Variants in ASPH observed in about 807,000 individuals in gnomAD.
ASPH encodes aspartate beta-hydroxylase.
In ASPH, 100 loss-of-function variants were observed where a neutral mutation model predicts 118.4. The ratio of observed to expected loss-of-function variants is 0.84; its 90% CI spans 0.72 to 1.00. The LOEUF is 1.00. Ranked by LOEUF, ASPH falls within the 50% of genes least tolerant of loss-of-function variation. The pLI, the probability that ASPH is intolerant of heterozygous loss-of-function variation, is 0.00. For synonymous variants in ASPH, 315 were observed against 325.6 expected, an observed-to-expected ratio of 0.97 and a Z score of 0.35; for missense variants, 920 against 919.5, an observed-to-expected ratio of 1.00 and a Z score of -0.01.
chr8:61,610,398 T>C (rs901246433), intron 14 of ASPH, among the ~76,000 whole-genome samples: 11 of 152,368 alleles, frequency 7.2e-5, no homozygotes, highest in Admixed American at 7.2e-4. Flanking sequence ...AGACTGATGA[T>C]ATATGCTGAG....
At position 61,501,197 on chromosome 8, in the gene ASPH, CATAG is replaced by C. The variant is rs891261473; in HGVS notation, c.*2158_*2161del. ...GAAACACTTTTCTTATGTACCAAGA[CATAG>C]ATAGGTAAGAGAAATAAAGAATTGA... On this transcript the variant is annotated 3_prime_UTR_variant, in exon 25 of 25. Coordinates refer to ENST00000379454, the MANE Select transcript of ASPH (RefSeq NM_004318.4). The C allele has an allele frequency of 5.3e-5, 8 of 152,046 alleles. No homozygotes were observed. Among genetic ancestry groups the C allele is most frequent in the African/African-American group, 1.4e-4 (6 of 41,406 alleles). 9.4% of individuals were successfully genotyped at this position (152,046 alleles called of 1,614,324 possible).
chr8:61,670,302 T>C (rs1821792316), intron 3 of ASPH, among the ~76,000 whole-genome samples: 1 of 151,562 alleles, frequency 6.6e-6, no homozygotes. Context: ...AATGTGTTTG[T>C]TTGTTTTTTT....
In ASPH at chr8:61,625,093, G is replaced by A. The variant is rs76465927; in HGVS notation, c.935-6074C>T. The A allele has an allele frequency of 1.2e-3, 1,135 of 985,526 alleles. 10 individuals are homozygous for A. In the African/African-American group the frequency reaches 0.018, roughly 16 times the overall value. The allele number at this position is 985,526 out of a possible 1,614,324, so 61.0% of individuals were successfully genotyped here. A position where few individuals can be genotyped will look rare whatever the true frequency, so the allele number is the denominator to read the frequency against. On this transcript the variant is annotated intron_variant, in intron 13 of 24. Transcript: ENST00000379454. ...AATCAAGAGCTACCCCTAATATATC[G>A]ATCAAACCACTTCTTATGGCTTTGC...
chr8:61,507,265 C>T (rs1806974308), intron 24 of ASPH, among the ~76,000 whole-genome samples: 1 of 152,146 alleles, frequency 6.6e-6, no homozygotes, highest in Non-Finnish European at 1.5e-5. Context: ...AAGTACAATA[C>T]AGATCAGTGT....
intron 15 of ASPH, chr8:61,579,258 A>T: frequency 6.2e-7 from 1 of 1,614,052 alleles, no homozygotes; most frequent in Middle Eastern, 1.7e-4. Context: ...GCTGGCCATT[A>T]AGGATGCCAA....
At chr8:61,643,039 T>C in intron 9 of ASPH, 119 bp from the exon 10 acceptor site, 1 of 891,876 alleles carries the variant, frequency 1.1e-6, no homozygotes, top group Non-Finnish European at 1.6e-6. Flanking sequence ...CTTCAAATAT[T>C]AATGTCTGCT....
intron 16 of ASPH, among the ~76,000 whole-genome samples, chr8:61,573,979 C>T (rs1186017488): frequency 6.6e-6 from 1 of 152,164 alleles, no homozygotes; most frequent in African/African-American, 2.4e-5. Flanking sequence ...CCAGAATCTA[C>T]AATGAACTTA....
At chr8:61,561,641 A>G (rs879737055) in intron 18 of ASPH, among the ~76,000 whole-genome samples, 6 of 152,196 alleles carry the variant, frequency 3.9e-5, no homozygotes, top group Admixed American at 2.6e-4. Context: ...CTGTAAAAGG[A>G]GTAGGGTGAG....
At chr8:61,527,148 A>C (rs1396824794) in intron 21 of ASPH, among the ~76,000 whole-genome samples, 2 of 152,222 alleles carry the variant, frequency 1.3e-5, no homozygotes, top group African/African-American at 4.8e-5. Flanking sequence ...GACTAGAACT[A>C]ATAGGTTACA....
At position 61,671,331 on chromosome 8, in the gene ASPH, T is replaced by C. The variant is rs150540702; in HGVS notation, c.322+9637A>G. Among the ~76,000 whole-genome samples the C allele has an allele frequency of 2.0e-5, 3 of 152,114 alleles. No individual in the cohort carries two copies. In the East Asian group the frequency reaches 5.8e-4, roughly 29 times the overall value. On this transcript the variant is annotated intron_variant, in intron 3 of 24. Coordinates refer to ENST00000379454, the MANE Select transcript of ASPH (RefSeq NM_004318.4). ...TCTATCTTTAGTACCATAGCTAATG[T>C]CTAGGGAAAAAAAAGAAAAAAGGGA...
At chr8:61,712,932 T>C (rs1286049227) in intron 1 of ASPH, among the ~76,000 whole-genome samples, 2 of 152,342 alleles carry the variant, frequency 1.3e-5, no homozygotes, top group South Asian at 2.1e-4. Flanking sequence ...TTAGTGCCCT[T>C]AGAGGCACAA....
intron 13 of ASPH, among the ~76,000 whole-genome samples, chr8:61,628,963 A>G (rs1386324344): frequency 2.6e-5 from 4 of 152,202 alleles, no homozygotes; most frequent in African/African-American, 4.8e-5. Flanking sequence ...TGTAAAGTCA[A>G]TTTCCACCCT....
At chr8:61,623,890 T>C (rs1042614148) in intron 13 of ASPH, 4 of 152,086 alleles carry the variant, frequency 2.6e-5, no homozygotes, top group Non-Finnish European at 4.4e-5. Context: ...TGGAGGTCAT[T>C]ATGTTAGGTG....
chr8:61,617,450 T>C (rs978876487), intron 14 of ASPH, among the ~76,000 whole-genome samples: 1 of 152,210 alleles, frequency 6.6e-6, no homozygotes, highest in Non-Finnish European at 1.5e-5. Flanking sequence ...ATCGCTATCT[T>C]ATTTATAGTT....
intron 14 of ASPH, among the ~76,000 whole-genome samples, chr8:61,588,427 AAG>A (rs1196191004): frequency 6.6e-6 from 1 of 152,244 alleles, no homozygotes; most frequent in East Asian, 1.9e-4. Flanking sequence ...TAGTTCATGG[AAG>A]ATGTTTTTAT....
chr8:61,614,824 T>C (rs1338899704), intron 14 of ASPH, among the ~76,000 whole-genome samples: 1 of 152,116 alleles, frequency 6.6e-6, no homozygotes, highest in Non-Finnish European at 1.5e-5. Flanking sequence ...ACTCCATTAT[T>C]CCACCCATTA....
intron 21 of ASPH, among the ~76,000 whole-genome samples, chr8:61,541,557 G>A (rs1407217117): frequency 6.6e-6 from 1 of 152,176 alleles, no homozygotes; most frequent in African/African-American, 2.4e-5. Flanking sequence ...AATTACAATA[G>A]AAGAATATCT....
chr8:61,693,279 C>T (rs528380542), intron 1 of ASPH, among the ~76,000 whole-genome samples: 2 of 152,324 alleles, frequency 1.3e-5, no homozygotes, highest in South Asian at 4.1e-4. Context: ...TCATCATAAA[C>T]GCAACCTAAT....
chr8:61,601,639 T>C (rs1211552349), intron 14 of ASPH, among the ~76,000 whole-genome samples: 1 of 149,472 alleles, frequency 6.7e-6, no homozygotes, highest in African/African-American at 2.5e-5. Flanking sequence ...TCAAGGTACA[T>C]ATTGATAATT....
Sources: gnomAD v4.1 joint callset for allele counts (sites outside exome capture counted in the v4.1 genomes callset) on GRCh38, gnomAD v4.1.1 for gene constraint, MANE v1.5 for transcripts, NCBI Gene and HGNC (gene_info 2026-07-23, HGNC 2026-07-21) for gene names.